MAML3: variants seen among roughly 807,000 people sequenced by gnomAD.
The protein encoded by MAML3 is mastermind-like protein 3.
A neutral mutation model predicts 101.9 loss-of-function variants in MAML3; 27 were observed. The observed-to-expected ratio is 0.27, with a 90% CI of 0.20 to 0.37. MAML3 has a LOEUF of 0.37. Ranked by LOEUF, MAML3 falls within the 10% of genes least tolerant of loss-of-function variation. The pLI is 1.00. For missense variants in MAML3, 1,316 were observed against 1,444.9 expected, an observed-to-expected ratio of 0.91 and a Z score of 1.45; for synonymous variants, 501 against 555.9, an observed-to-expected ratio of 0.90 and a Z score of 1.39.
intron 2 of MAML3, among the ~76,000 whole-genome samples, chr4:139,742,587 G>A (rs1415030420): frequency 6.6e-6 from 1 of 152,178 alleles, no homozygotes; most frequent in Non-Finnish European, 1.5e-5. Flanking sequence ...AACTTTAGGT[G>A]GGGCCTATAT....
chr4:139,963,077 T>C (rs149862713), intron 1 of MAML3, among the ~76,000 whole-genome samples: 1 of 152,278 alleles, frequency 6.6e-6, no homozygotes, highest in African/African-American at 2.4e-5. Flanking sequence ...TTCAGATCGT[T>C]TTGGGAATGA....
At chr4:139,900,853 G>C (rs984850825) in intron 1 of MAML3, among the ~76,000 whole-genome samples, 4 of 152,148 alleles carry the variant, frequency 2.6e-5, no homozygotes, top group Admixed American at 2.6e-4. Flanking sequence ...GAGCTAACCA[G>C]CCAGGCATTG....
At chr4:139,733,288 AG>A (rs556067861) in intron 2 of MAML3, among the ~76,000 whole-genome samples, 1 of 152,210 alleles carries the variant, frequency 6.6e-6, no homozygotes, top group Non-Finnish European at 1.5e-5. Context: ...ATGAGGCCCA[AG>A]GGAAGATAAA....
intron 1 of MAML3, among the ~76,000 whole-genome samples, chr4:140,028,859 C>T (rs543574989): frequency 1.6e-4 from 24 of 152,292 alleles, no homozygotes; most frequent in African/African-American, 5.3e-4. Context: ...ACTCTGGAAC[C>T]TCTTTGATGA....
At chr4:140,133,087 C>T (rs1348756910) in intron 1 of MAML3, 1 of 445,000 alleles carries the variant, frequency 2.2e-6, no homozygotes, top group Non-Finnish European at 4.5e-6. Context: ...TCAAAAGGAG[C>T]CACTATGTGC....
In MAML3 at chr4:139,890,287, A is replaced by C. The variant is rs889269425; in HGVS notation, c.1149T>G (p.Pro383=). Residue 383 remains proline, a synonymous_variant, in exon 2 of 5, where the codon CCT becomes CCG. Coordinates refer to ENST00000509479, the MANE Select transcript of MAML3 (RefSeq NM_018717.5). This position sits in a 1 kb window ranked among gnomAD's most constrained non-coding sequence, Gnocchi z 4.1. The part of the protein sequence containing the change: ...SPQARPSSSG[P]PFSTVSTATS... ...TGGCCGTGGAGACAGTAGAAAAGGG[A>C]GGACCAGAAGAAGAAGGCCTCGCCT... is the stretch of plus-strand genomic sequence containing the variant. 3.8e-5 allele frequency: 62 copies of C among 1,613,736 alleles called. No individual in the cohort carries two copies. In the East Asian group the frequency reaches 1.4e-3, roughly 35 times the overall value.
chr4:140,024,387 C>T (rs1039931182), intron 1 of MAML3, among the ~76,000 whole-genome samples: 3 of 152,128 alleles, frequency 2.0e-5, no homozygotes, highest in Admixed American at 6.6e-5. Flanking sequence ...ATCACTGTGC[C>T]TGGCTAATTT....
At chr4:139,999,387 A>G (rs1734879974) in intron 1 of MAML3, among the ~76,000 whole-genome samples, 1 of 152,234 alleles carries the variant, frequency 6.6e-6, no homozygotes, top group Non-Finnish European at 1.5e-5. Flanking sequence ...ACTGAACTGC[A>G]TTAGGGATGG....
At chr4:139,726,797 T>G (rs780734215) in intron 3 of MAML3, among the ~76,000 whole-genome samples, 1 of 152,232 alleles carries the variant, frequency 6.6e-6, no homozygotes, top group Non-Finnish European at 1.5e-5. Flanking sequence ...GATGCTGCAC[T>G]GCTAGTGTTG....
At chr4:139,981,999 T>A (rs1236487010) in intron 1 of MAML3, among the ~76,000 whole-genome samples, 1 of 152,228 alleles carries the variant, frequency 6.6e-6, no homozygotes, top group Non-Finnish European at 1.5e-5. Context: ...CTCCTTCTTT[T>A]CCGCCTCCTT....
intron 1 of MAML3, among the ~76,000 whole-genome samples, chr4:140,099,531 G>C (rs773558782): frequency 6.6e-6 from 1 of 152,032 alleles, no homozygotes; most frequent in Non-Finnish European, 1.5e-5. Context: ...ATTTTCAGTG[G>C]GTAAGGCAAG....
rs1419164606 is a variant in MAML3, at chr4:139,735,253, C to T, written c.2080-4586G>A. On this transcript the variant is annotated intron_variant, in intron 2 of 4. Transcript: ENST00000509479. This position sits in a 1 kb window ranked among gnomAD's most constrained non-coding sequence, Gnocchi z 5.8. ...ACAATCCAGGAATTCCCTGGTGACT[C>T]GAGGCCCTCTTTGCACAAAATGAGT... Among the ~76,000 whole-genome samples the T allele has an allele frequency of 2.0e-5, 3 of 152,328 alleles. 1 individual carries two copies. Among genetic ancestry groups the T allele is most frequent in the Non-Finnish European group, 4.4e-5 (3 of 68,036 alleles).
intron 2 of MAML3, among the ~76,000 whole-genome samples, chr4:139,839,077 C>T (rs1369156291): frequency 1.3e-5 from 2 of 152,200 alleles, no homozygotes; most frequent in Non-Finnish European, 2.9e-5. Flanking sequence ...GAGCTGACTG[C>T]TTGAAGCCAG....
chr4:139,960,765 G>T (rs1302440287), intron 1 of MAML3, among the ~76,000 whole-genome samples: 1 of 152,138 alleles, frequency 6.6e-6, no homozygotes, highest in Non-Finnish European at 1.5e-5. Context: ...GAGTCCCACA[G>T]CTGCTTCCTA....
intron 2 of MAML3, among the ~76,000 whole-genome samples, chr4:139,739,491 C>T (rs1729077657): frequency 6.6e-6 from 1 of 152,148 alleles, no homozygotes; most frequent in African/African-American, 2.4e-5. Flanking sequence ...ATTAATTCCA[C>T]CACCAAAGCA....
chr4:140,075,013 A>G (rs1578672147), intron 1 of MAML3, among the ~76,000 whole-genome samples: 1 of 152,166 alleles, frequency 6.6e-6, no homozygotes, highest in Admixed American at 6.5e-5. Context: ...AAAATCTAAA[A>G]CACTTCTGGT....
chr4:139,970,079 A>G (rs4863709), intron 1 of MAML3, among the ~76,000 whole-genome samples: 47,715 of 151,876 alleles, frequency 0.31, 8,277 homozygotes, highest in East Asian at 0.61. Context: ...TGCCTTCCAG[A>G]TATTTGCCAT....
chr4:139,719,047 C>T lies in MAML3; in HGVS notation c.*276G>A. The T allele has an allele frequency of 4.8e-6, 2 of 414,566 alleles. No homozygotes were observed. Among genetic ancestry groups the T allele is most frequent in the Non-Finnish European group, 8.6e-6 (2 of 232,840 alleles). 25.7% of individuals were successfully genotyped at this position (414,566 alleles called of 1,614,324 possible). Reference sequence around the variant, plus strand: ...GGCATGCTGGGCAGAGGGGCTCTGGCCGGCTTCATCTTCCCACCTGCTCCT... The same window carrying T: ...GGCATGCTGGGCAGAGGGGCTCTGGTCGGCTTCATCTTCCCACCTGCTCCT... On this transcript the variant is annotated 3_prime_UTR_variant, in exon 5 of 5. Coordinates refer to ENST00000509479, the MANE Select transcript of MAML3 (RefSeq NM_018717.5).
At chr4:139,847,403 G>T (rs933686046) in intron 2 of MAML3, among the ~76,000 whole-genome samples, 7 of 152,094 alleles carry the variant, frequency 4.6e-5, no homozygotes, top group Admixed American at 2.6e-4. Flanking sequence ...ACGGAATCCC[G>T]CAGTGCTTGT....
Sources: gnomAD v4.1 joint callset for allele counts (sites outside exome capture counted in the v4.1 genomes callset) on GRCh38, gnomAD v4.1.1 for gene constraint, Gnocchi (gnomAD v3.1) non-coding constraint, MANE v1.5 for transcripts, NCBI Gene and HGNC (gene_info 2026-07-23, HGNC 2026-07-21) for gene names.